STX1B: variants seen among roughly 807,000 people sequenced by gnomAD.
STX1B encodes the protein syntaxin 1B.
A neutral mutation model predicts 39.4 loss-of-function variants in STX1B; 7 were observed. That is an observed-to-expected ratio of 0.18 (90% confidence interval 0.10 to 0.33). STX1B has a LOEUF of 0.33. STX1B is among the 10% of genes least tolerant of loss of function. The probability of loss-of-function intolerance (pLI) is 1.00; values close to 1 mark genes in which losing one functional copy is unlikely to be tolerated. For synonymous variants in STX1B, 136 were observed against 144.1 expected (o/e 0.94, Z 0.40); for missense variants, 198 against 383.2 (o/e 0.52, Z 4.04).
At chr16:30,997,282 C>T (rs1596717088) in intron 5 of STX1B, among the ~76,000 whole-genome samples, 1 of 152,194 alleles carries the variant, frequency 6.6e-6, no homozygotes, top group Admixed American at 6.5e-5. Context: ...AGGCCAACAC[C>T]AGCTAGAGAC....
rs2056627648 is a variant in STX1B, at chr16:31,001,363, G to T, written c.105+166C>A. 6.6e-6 allele frequency among the ~76,000 whole-genome samples: 1 copy of T among 151,968 alleles called. No homozygotes were observed. Among genetic ancestry groups the T allele is most frequent in the Admixed American group, 6.6e-5 (1 of 15,256 alleles). Reference sequence around the variant, plus strand: ...GACAGGGAAAAGGAAGTTGTCGGTGGCTAGGGGCTGGGTGCCGGGGCTGCG... The same window carrying T: ...GACAGGGAAAAGGAAGTTGTCGGTGTCTAGGGGCTGGGTGCCGGGGCTGCG... On this transcript the variant is annotated intron_variant, in intron 2 of 9. Transcript: ENST00000215095. This position sits in a 1 kb window ranked among gnomAD's most constrained non-coding sequence, Gnocchi z 5.5.
intron 5 of STX1B, 120 bp from the exon 6 acceptor site, chr16:30,997,179 G>A (rs764128986): frequency 1.4e-6 from 1 of 710,882 alleles, no homozygotes; most frequent in South Asian, 1.6e-5. Context: ...AGGAGGAAGC[G>A]CTGAATTAGT....
intron 6 of STX1B, 60 bp from the exon 7 acceptor site, chr16:30,996,816 G>T: frequency 6.3e-7 from 1 of 1,595,880 alleles, no homozygotes; most frequent in Non-Finnish European, 8.6e-7. Context: ...CTGAGGTGGG[G>T]TGATGGGGCG....
chr16:31,005,864 T>C (rs1176986215), intron 1 of STX1B, among the ~76,000 whole-genome samples: 1 of 152,068 alleles, frequency 6.6e-6, no homozygotes, highest in Non-Finnish European at 1.5e-5. Context: ...GATCCAAGCC[T>C]CCAGCTGCAG....
At position 30,995,816 on chromosome 16, in the gene STX1B, A is replaced by G. The variant is rs575206530; in HGVS notation, c.537+867T>C. Reference sequence around the variant, plus strand: ...AGCCCATCCTTTCATATGTAAAAGGACAAGGGCAGCACAGGGGACAAAACC... The same window carrying G: ...AGCCCATCCTTTCATATGTAAAAGGGCAAGGGCAGCACAGGGGACAAAACC... On this transcript the variant is annotated intron_variant, in intron 7 of 9. Transcript: ENST00000215095. Among the ~76,000 whole-genome samples, 24 of 152,314 alleles carry G rather than the reference A, an allele frequency of 1.6e-4. No homozygotes were observed. The South Asian group carries it at 4.8e-3, about 30-fold the overall frequency.
In STX1B at chr16:30,991,869, A is replaced by AAAAAAAC. The variant is rs770953107; in HGVS notation, c.*945_*951dup. ...GGTGACAGAGCAAGACTCCGTCTCGAAAAAAACAAAAAACAAAAAACAAAA... is the reference window on the plus strand; with the variant it reads ...GGTGACAGAGCAAGACTCCGTCTCGAAAAAAACAAAAAACAAAAAACAAAAAACAAAA... On this transcript the variant is annotated 3_prime_UTR_variant, in exon 10 of 10. Transcript: ENST00000215095. The AAAAAAAC allele has an allele frequency of 6.6e-6, 1 of 152,206 alleles. No individual in the cohort carries two copies. The highest frequency in any genetic ancestry group is 1.5e-5 in the Non-Finnish European group (1 of 68,142). 9.4% of individuals were successfully genotyped at this position (152,206 alleles called of 1,614,324 possible). A position where few individuals can be genotyped will look rare whatever the true frequency, so the allele number is the denominator to read the frequency against.
intron 5 of STX1B, 24 bp from the exon 6 acceptor site, chr16:30,997,083 A>C: frequency 6.5e-7 from 1 of 1,529,550 alleles, no homozygotes; most frequent in Non-Finnish European, 9.0e-7. Context: ...GGGGGGACAG[A>C]CGGATCAGGG....
chr16:31,004,078 G>A (rs534084035), intron 1 of STX1B, among the ~76,000 whole-genome samples: 4 of 152,168 alleles, frequency 2.6e-5, no homozygotes, highest in Non-Finnish European at 5.9e-5. Flanking sequence ...CTCAGTGAGC[G>A]CCTGCTAAGT....
rs780166656 is a variant in STX1B, at chr16:30,996,986, C to T, written c.428G>A (p.Arg143His). The change falls in exon 6 of 10, where the codon CGC becomes CAC. Residue 143 changes from arginine (R) to histidine (H), a missense_variant. Arg to His is a conservative substitution (Grantham distance 29). Coordinates refer to ENST00000215095, the MANE Select transcript of STX1B (RefSeq NM_052874.5). Reference sequence around the variant, plus strand: ...TTGCCGCTGGATCCGGTCCTTGCAGCGGTCCCGGTACTTGGACTGGGTCGC... The same window carrying T: ...TTGCCGCTGGATCCGGTCCTTGCAGTGGTCCCGGTACTTGGACTGGGTCGC... ...YNATQSKYRD[R>H]CKDRIQRQLE... 4 of 1,613,022 alleles carry T rather than the reference C, an allele frequency of 2.5e-6. No individual in the cohort carries two copies. The highest frequency in any genetic ancestry group is 1.7e-5 in the Admixed American group (1 of 59,872).
In STX1B at chr16:31,005,039, G is replaced by T. The variant is rs547561383; in HGVS notation, c.31-3436C>A. On this transcript the variant is annotated intron_variant, in intron 1 of 9. Transcript: ENST00000215095. ...AAATCAGTAGGAGGGGCCCAGGGCT[G>T]CAGGAAGAGCTTGGACAGGAGGCCA... 1.2e-3 allele frequency among the ~76,000 whole-genome samples: 185 copies of T among 152,190 alleles called. 4 individuals are homozygous for T. The highest frequency in any genetic ancestry group is 2.5e-4 in the Non-Finnish European group (17 of 68,036).
chr16:30,995,122 G>T (rs1163888255), intron 7 of STX1B, among the ~76,000 whole-genome samples: 3 of 152,048 alleles, frequency 2.0e-5, no homozygotes, highest in South Asian at 4.2e-4. Context: ...TACATTAAAA[G>T]AAATTGTTTT....
Position 31,001,746 on chromosome 16 carries a change from C to T in STX1B, c.31-143G>A, listed in dbSNP as rs1258181643. The stretch of plus-strand genomic sequence containing the variant: ...CAGAGGAGGGGTCCTGGGAGGGGTC[C>T]CATGCAGGGTAGATGGCAAAGGCAC... On this transcript the variant is annotated intron_variant, in intron 1 of 9. Coordinates refer to ENST00000215095, the MANE Select transcript of STX1B (RefSeq NM_052874.5). The surrounding 1 kb of genome is among the most constrained non-coding windows in gnomAD (Gnocchi z 5.5). The T allele has an allele frequency of 3.2e-6, 2 of 629,950 alleles. No individual in the cohort carries two copies. Among genetic ancestry groups the T allele is most frequent in the East Asian group, 2.8e-5 (1 of 35,564 alleles). 39.0% of individuals were successfully genotyped at this position (629,950 alleles called of 1,614,324 possible).
chr16:30,993,996 AAAAG>A (rs1396570510), intron 7 of STX1B, among the ~76,000 whole-genome samples: 1 of 151,394 alleles, frequency 6.6e-6, no homozygotes, highest in South Asian at 2.1e-4. Flanking sequence ...CAAAAAAAAA[AAAAG>A]AGTCAGGGCT....
At position 31,010,561 on chromosome 16, in the gene STX1B, C is replaced by CGGGCAG; in HGVS notation, c.-171_-166dup. The stretch of plus-strand genomic sequence containing the variant: ...GGGCCGGGGGCGACTGGCCGAGGGC[C>CGGGCAG]GGGCAGGGGCAGGGGCCTGGGCCGG... On this transcript the variant is annotated 5_prime_UTR_variant, in exon 1 of 10. Transcript: ENST00000215095. The CGGGCAG allele has an allele frequency of 5.4e-6, 1 of 185,978 alleles. No homozygotes were observed. The highest frequency in any genetic ancestry group is 2.5e-5 in the African/African-American group (1 of 39,860). The allele number at this position is 185,978 out of a possible 1,614,324, so 11.5% of individuals were successfully genotyped here.
intron 7 of STX1B, among the ~76,000 whole-genome samples, 171 bp from the exon 8 acceptor site, chr16:30,993,655 C>T (rs768352984): frequency 3.3e-5 from 5 of 152,236 alleles, no homozygotes; most frequent in Non-Finnish European, 5.9e-5. Context: ...GATCATAACA[C>T]TGCCCACCTC....
At position 30,990,927 on chromosome 16, in the gene STX1B, A is replaced by C. The variant is rs548659315; in HGVS notation, c.*1894T>G. The C allele has an allele frequency of 5.9e-5, 9 of 152,272 alleles. No homozygotes were observed. Among genetic ancestry groups the C allele is most frequent in the African/African-American group, 2.2e-4 (9 of 41,556 alleles). 9.4% of individuals were successfully genotyped at this position (152,272 alleles called of 1,614,324 possible). A position where few individuals can be genotyped will look rare whatever the true frequency, so the allele number is the denominator to read the frequency against. ...GGGTCTCAGGACCCAGCCCACCCTGAGTGGCCACTGCCACACTGGCCACTC... is the reference window on the plus strand; with the variant it reads ...GGGTCTCAGGACCCAGCCCACCCTGCGTGGCCACTGCCACACTGGCCACTC... On this transcript the variant is annotated 3_prime_UTR_variant, in exon 10 of 10. Coordinates refer to ENST00000215095, the MANE Select transcript of STX1B (RefSeq NM_052874.5).
At chr16:30,998,140 G>A (rs2056605399) in intron 4 of STX1B, among the ~76,000 whole-genome samples, 1 of 152,242 alleles carries the variant, frequency 6.6e-6, no homozygotes, top group Non-Finnish European at 1.5e-5. Context: ...TCCCCGATCC[G>A]GGAATTCCCA....
rs77218983 is a variant in STX1B, at chr16:30,989,947, T to C, written c.*2874A>G. The C allele has an allele frequency of 0.019, 2,896 of 152,336 alleles. 39 individuals are homozygous for C. Among genetic ancestry groups the C allele is most frequent in the Non-Finnish European group, 0.027 (1,864 of 68,072 alleles). 9.4% of individuals were successfully genotyped at this position (152,336 alleles called of 1,614,324 possible). On this transcript the variant is annotated 3_prime_UTR_variant, in exon 10 of 10. Transcript: ENST00000215095. ...AGGCGCCTGGGCAGGTAGCACACAT[T>C]TGTCCAAGAACATGCAAAAGACACC... is the stretch of plus-strand genomic sequence containing the variant.
intron 1 of STX1B, among the ~76,000 whole-genome samples, chr16:31,006,567 C>G (rs957447142): frequency 2.6e-5 from 4 of 152,078 alleles, no homozygotes; most frequent in African/African-American, 9.7e-5. Flanking sequence ...TGCTGAATAG[C>G]AGGAGGGAGA....
Sources: gnomAD v4.1 joint callset for allele counts (sites outside exome capture counted in the v4.1 genomes callset) on GRCh38, gnomAD v4.1.1 for gene constraint, Gnocchi (gnomAD v3.1) non-coding constraint, MANE v1.5 for transcripts, NCBI Gene and HGNC (gene_info 2026-07-23, HGNC 2026-07-21) for gene names.